The following DNAH6 variants were observed in gnomAD, a reference collection of about 807,000 sequenced individuals.
DNAH6 encodes axonemal beta dynein heavy chain 6.
In DNAH6, 340 loss-of-function variants were observed where a neutral mutation model predicts 491.4. The observed-to-expected ratio is 0.69, with a 90% CI of 0.63 to 0.76. DNAH6 has a LOEUF of 0.76. DNAH6 is among the 30% of genes least tolerant of loss of function. The pLI is 0.00. For missense variants in DNAH6, 4,443 were observed against 4,972.2 expected (o/e 0.89, Z 3.20); for synonymous variants, 1,603 against 1,686.1 (o/e 0.95, Z 1.21).
chr2:84,804,980 ATT>A (rs113529135), intron 70 of DNAH6, among the ~76,000 whole-genome samples: 1 of 145,540 alleles, frequency 6.9e-6, no homozygotes, highest in Admixed American at 6.9e-5. Context: ...CACCCAGCTA[ATT>A]TTTTTTTTTT....
intron 65 of DNAH6, among the ~76,000 whole-genome samples, chr2:84,784,067 A>G (rs1676952399): frequency 1.3e-5 from 2 of 152,226 alleles, no homozygotes; most frequent in South Asian, 2.1e-4. Flanking sequence ...TTAAAAACCA[A>G]TGCCAAGGAA....
intron 42 of DNAH6, among the ~76,000 whole-genome samples, chr2:84,682,357 C>T (rs899412834): frequency 2.0e-5 from 3 of 152,254 alleles, no homozygotes; most frequent in Non-Finnish European, 4.4e-5. Flanking sequence ...GATAGCTGCT[C>T]CTCTTCTTCC....
At chr2:84,573,652 G>A (rs1682126094) in intron 12 of DNAH6, 65 bp downstream of exon 12, 1 of 1,412,532 alleles carries the variant, frequency 7.1e-7, no homozygotes, top group Admixed American at 2.8e-5. Context: ...TGTTTTTTAG[G>A]ATTCTGTTTG....
chr2:84,735,466 C>A (rs1268268243), intron 62 of DNAH6, among the ~76,000 whole-genome samples: 1 of 152,148 alleles, frequency 6.6e-6, no homozygotes, highest in African/African-American at 2.4e-5. Flanking sequence ...TGAGAAATTT[C>A]TAAACTGCTT....
intron 49 of DNAH6, among the ~76,000 whole-genome samples, chr2:84,701,876 A>T (rs1019031726): frequency 6.6e-6 from 1 of 152,158 alleles, no homozygotes; most frequent in Non-Finnish European, 1.5e-5. Flanking sequence ...CCATCATGAC[A>T]TGTGCCCCTG....
the DNAH6 span, among the ~76,000 whole-genome samples, chr2:84,462,509 TTGAC>T: frequency 3.5e-4 from 54 of 152,344 alleles, no homozygotes; most frequent in African/African-American, 1.3e-3. Flanking sequence ...ATTTTCTAAA[TTGAC>T]TGAGACCTGT....
chr2:84,709,433 G>A lies in DNAH6; in HGVS notation c.9139G>A (p.Glu3047Lys), dbSNP rs747436936. The A allele has an allele frequency of 3.5e-5, 55 of 1,551,640 alleles. No homozygotes were observed. In the South Asian group the frequency reaches 4.4e-4, roughly 12 times the overall value. The change falls in exon 55 of 77, where the codon GAG becomes AAG. Residue 3047 changes from glutamate (E) to lysine (K), a missense_variant. Glu to Lys is a moderately conservative substitution (Grantham distance 56). Coordinates refer to ENST00000389394, the MANE Select transcript of DNAH6 (RefSeq NM_001370.2). The part of the protein sequence containing the change: ...SLINILGDPY[E>K]IRQWNTDGLP... ...CATTAACATTCTTGGAGATCCCTAC[G>A]AGATACGGCAGTGGAACACTGATGG...
chr2:84,705,663 G>A lies in DNAH6; in HGVS notation c.8643G>A (p.Met2881Ile). The change falls in exon 52 of 77, where the codon ATG becomes ATA. Residue 2881 changes from methionine (M) to isoleucine (I), a missense_variant. Met to Ile is a conservative substitution (Grantham distance 10). Around this residue, in one of 3 missense-constraint regions of DNAH6, gnomAD observed 1,463 missense variants for 1,656.6 expected, o/e 0.88. Coordinates refer to ENST00000389394, the MANE Select transcript of DNAH6 (RefSeq NM_001370.2). ...AAGTGTCCAAAGCATGTAAATCTAT[G>A]TGCATGTGGGTAAGAGCTATGGATT... ...VEKVSKACKSMCMWVRAMDLY... is the reference protein window; with the variant it reads ...VEKVSKACKSICMWVRAMDLY... The A allele has an allele frequency of 1.3e-6, 2 of 1,551,676 alleles. No individual in the cohort carries two copies. The highest frequency in any genetic ancestry group is 1.7e-4 in the Middle Eastern group (1 of 5,994).
At position 84,547,476 on chromosome 2, in the gene DNAH6, A is replaced by G; in HGVS notation, c.1066-16A>G. ...TACTTCAGTATCACTAACTGTACAT[A>G]TTCAACAATATCTAGGTGACAGAAC... On this transcript the variant is annotated splice_polypyrimidine_tract_variant and intron_variant, in intron 6 of 76. Transcript: ENST00000389394. 3 of 1,551,618 alleles carry G rather than the reference A, an allele frequency of 1.9e-6. No individual in the cohort carries two copies. Among genetic ancestry groups the G allele is most frequent in the Non-Finnish European group, 2.6e-6 (3 of 1,146,906 alleles).
rs1484539988 is a variant in DNAH6, at chr2:84,659,024, A to G, written c.5941-2A>G. On this transcript the variant is annotated splice_acceptor_variant, in intron 36 of 76. Transcript: ENST00000389394. LOFTEE classifies it high-confidence loss of function. ...TAAGTCTGTTTCTCTTTATTCTTTC[A>G]GGAACAAACAAAATTGAACACTATA... 2.8e-6 allele frequency: 4 copies of G among 1,406,472 alleles called. No individual in the cohort carries two copies. In the South Asian group the frequency reaches 4.1e-5, roughly 14 times the overall value. The allele number at this position is 1,406,472 out of a possible 1,614,324, so 87.1% of individuals were successfully genotyped here.
intron 11 of DNAH6, among the ~76,000 whole-genome samples, chr2:84,566,918 T>C (rs1014426074): frequency 6.6e-6 from 1 of 152,052 alleles, no homozygotes; most frequent in South Asian, 2.1e-4. Flanking sequence ...TACAACTGAA[T>C]AGCTATTTGG....
intron 15 of DNAH6, among the ~76,000 whole-genome samples, 200 bp from the exon 16 acceptor site, chr2:84,588,625 CA>C (rs1260487881): frequency 1.7e-4 from 26 of 152,256 alleles, no homozygotes; most frequent in Non-Finnish European, 1.2e-4. Flanking sequence ...ATCTCCATGG[CA>C]CTTTATATAA....
chr2:84,663,641 G>A (rs1691766133), intron 37 of DNAH6, among the ~76,000 whole-genome samples: 2 of 152,106 alleles, frequency 1.3e-5, no homozygotes, highest in South Asian at 4.1e-4. Context: ...TGAAAGTGAC[G>A]GGGAGAATGG....
In DNAH6 at chr2:84,529,148, A is replaced by G. The variant is rs1436979374; in HGVS notation, c.644A>G (p.Tyr215Cys). 4.5e-6 allele frequency: 7 copies of G among 1,546,556 alleles called. No individual in the cohort carries two copies. Among genetic ancestry groups the G allele is most frequent in the Non-Finnish European group, 6.1e-6 (7 of 1,143,140 alleles). ...GCAGTGCCAAGATCATCCATTGAATATGATACATATAATCTAAAGTGAGTT... is the reference window on the plus strand; with the variant it reads ...GCAGTGCCAAGATCATCCATTGAATGTGATACATATAATCTAAAGTGAGTT... Reference protein sequence around the residue: ...IPAVPRSSIEYDTYNLKVVSY... With the variant: ...IPAVPRSSIECDTYNLKVVSY... The change falls in exon 4 of 77, where the codon TAT (tyrosine) becomes TGT (cysteine). Residue 215 changes from tyrosine to cysteine, a missense_variant. Physicochemically the swap from Tyr to Cys is radical, Grantham distance 194. Coordinates refer to ENST00000389394, the MANE Select transcript of DNAH6 (RefSeq NM_001370.2).
intron 10 of DNAH6, among the ~76,000 whole-genome samples, chr2:84,555,674 G>T (rs149542531): frequency 6.6e-6 from 1 of 151,930 alleles, no homozygotes; most frequent in East Asian, 1.9e-4. Flanking sequence ...TCACCTGAAC[G>T]TCCCACCAAT....
chr2:84,541,651 G>T (rs751949337), intron 4 of DNAH6, among the ~76,000 whole-genome samples: 18 of 152,200 alleles, frequency 1.2e-4, no homozygotes, highest in Non-Finnish European at 2.4e-4. Flanking sequence ...GAGAGTTAGA[G>T]AAAAGTGAGG....
chr2:84,626,060 G>T (rs1687825781), intron 29 of DNAH6, among the ~76,000 whole-genome samples: 1 of 151,958 alleles, frequency 6.6e-6, no homozygotes, highest in African/African-American at 2.4e-5. Context: ...AATGAAAAAG[G>T]CATATAACAC....
At chr2:84,533,435 G>A (rs1677369943) in intron 4 of DNAH6, among the ~76,000 whole-genome samples, 1 of 152,088 alleles carries the variant, frequency 6.6e-6, no homozygotes, top group Non-Finnish European at 1.5e-5. Context: ...TTAGAGATAT[G>A]TTCAATATTT....
At chr2:84,758,372 A>G (rs1674247955) in intron 63 of DNAH6, among the ~76,000 whole-genome samples, 1 of 152,204 alleles carries the variant, frequency 6.6e-6, no homozygotes, top group Non-Finnish European at 1.5e-5. Context: ...AAACTATAAA[A>G]GAAGTTGTTC....
Sources: gnomAD v4.1 joint callset for allele counts (sites outside exome capture counted in the v4.1 genomes callset) on GRCh38, gnomAD v4.1.1 for gene constraint, gnomAD v4.1.1 regional missense constraint, MANE v1.5 for transcripts, NCBI Gene and HGNC (gene_info 2026-07-23, HGNC 2026-07-21) for gene names.